Variants in WWC1 observed in about 807,000 individuals in gnomAD.
WWC1 encodes the protein WW and C2 domain containing 1.
A neutral mutation model predicts 138.4 loss-of-function variants in WWC1; 55 were observed. The observed-to-expected ratio is 0.40, with a 90% CI of 0.32 to 0.50. WWC1 has a LOEUF of 0.50. Ranked by LOEUF, WWC1 falls within the 20% of genes least tolerant of loss-of-function variation. WWC1 has a pLI of 0.72. For missense variants in WWC1, 1,226 were observed against 1,420.4 expected (o/e 0.86, Z 2.20); for synonymous variants, 524 against 564.9 (o/e 0.93, Z 1.03).
intron 8 of WWC1, chr5:168,411,565 C>G (rs1390588494): frequency 2.6e-5 from 4 of 152,178 alleles, no homozygotes; most frequent in Admixed American, 6.5e-5. Context: ...TGATGTTACC[C>G]AGACTCAGTC....
chr5:168,292,699 G>C lies in WWC1; in HGVS notation c.119+428G>C, dbSNP rs1489014328. ...GGGGTGGGCGGATGGGGATGGGGAA[G>C]TGTCCGGTTAGAGGGGGTGGTCAAG... On this transcript the variant is annotated intron_variant, in intron 1 of 22. Transcript: ENST00000265293. The surrounding 1 kb of genome is among the most constrained non-coding windows in gnomAD (Gnocchi z 4.4). Among the ~76,000 whole-genome samples, 1 of 152,176 alleles carries C rather than the reference G, an allele frequency of 6.6e-6. No individual in the cohort carries two copies. The highest frequency in any genetic ancestry group is 2.4e-5 in the African/African-American group (1 of 41,436).
rs577671144 is a variant in WWC1, at chr5:168,401,090, C to T, written c.590+1523C>T. On this transcript the variant is annotated intron_variant, in intron 5 of 22. Transcript: ENST00000265293. ...TGGTTGACAAAGTGAGACCCTGTCT[C>T]GAAAAAAAGGAAAAAAAGAAAGAAA... Among the ~76,000 whole-genome samples, 571 of 144,720 alleles carry T rather than the reference C, an allele frequency of 3.9e-3. 2 individuals carry two copies. Among genetic ancestry groups the T allele is most frequent in the Middle Eastern group, 7.1e-3 (2 of 280 alleles). 94.9% of individuals were successfully genotyped at this position (144,720 alleles called of 152,430 possible). A position where few individuals can be genotyped will look rare whatever the true frequency, so the allele number is the denominator to read the frequency against.
rs375838421 is a variant in WWC1, at chr5:168,408,547, G to A, written c.761G>A (p.Gly254Glu). 1.7e-4 allele frequency: 274 copies of A among 1,614,004 alleles called. No homozygotes were observed. The highest frequency in any genetic ancestry group is 3.7e-4 in the Admixed American group (22 of 60,008). ...AAGGACGGCTTCCGCACTGACAGGG[G>A]GTCTCACTCAGACCTGTGGTCCAGC... The part of the protein sequence containing the change: ...MLKDGFRTDR[G>E]SHSDLWSSSS... Residue 254 changes from glycine to glutamate, a missense_variant, in exon 7 of 23, where the codon GGG becomes GAG. Gly to Glu is a moderately conservative substitution (Grantham distance 98). Coordinates refer to ENST00000265293, the MANE Select transcript of WWC1 (RefSeq NM_015238.3).
intron 3 of WWC1, among the ~76,000 whole-genome samples, chr5:168,392,716 A>G (rs1778595175): frequency 1.3e-5 from 2 of 152,196 alleles, no homozygotes; most frequent in African/African-American, 4.8e-5. Context: ...TTTTAAAGAT[A>G]GAAAACAAAT....
chr5:168,442,848 A>G lies in WWC1; in HGVS notation c.2433+1014A>G, dbSNP rs187967622. ...CAAGACTCCATCTCAGAAAAAAAAA[A>G]AAAAGAAAAGAAAAAAAAGCTTATA... On this transcript the variant is annotated intron_variant, in intron 16 of 22. Coordinates refer to ENST00000265293, the MANE Select transcript of WWC1 (RefSeq NM_015238.3). Among the ~76,000 whole-genome samples the G allele has an allele frequency of 4.7e-3, 717 of 152,072 alleles. 5 individuals are homozygous for G. The highest frequency in any genetic ancestry group is 7.5e-3 in the Admixed American group (114 of 15,270).
chr5:168,446,624 GA>G (rs1755295905), intron 17 of WWC1, among the ~76,000 whole-genome samples: 1 of 152,178 alleles, frequency 6.6e-6, no homozygotes, highest in African/African-American at 2.4e-5. Flanking sequence ...AGAATGTGAC[GA>G]GCACCACAGA....
chr5:168,454,653 G>A lies in WWC1; in HGVS notation c.2658+553G>A, dbSNP rs1204633407. Among the ~76,000 whole-genome samples, 7 of 152,314 alleles carry A rather than the reference G, an allele frequency of 4.6e-5. No homozygotes were observed. In the South Asian group the frequency reaches 1.0e-3, roughly 23 times the overall value. On this transcript the variant is annotated intron_variant, in intron 18 of 22. Coordinates refer to ENST00000265293, the MANE Select transcript of WWC1 (RefSeq NM_015238.3). ...GCTAGAGCACCTGCCGTGTTTGAGC[G>A]AGGCTGCAGCTGGAGTACCGCACAG... is the stretch of plus-strand genomic sequence containing the variant.
At chr5:168,330,860 A>G (rs1052754874) in intron 1 of WWC1, among the ~76,000 whole-genome samples, 1 of 152,120 alleles carries the variant, frequency 6.6e-6, no homozygotes. Context: ...TCTGACTATA[A>G]AAAGAGCTGG....
chr5:168,403,079 T>TCTC (rs1561712596), intron 5 of WWC1, among the ~76,000 whole-genome samples: 3 of 95,782 alleles, frequency 3.1e-5, no homozygotes, highest in Non-Finnish European at 4.3e-5. Flanking sequence ...TCTTTCTTTC[T>TCTC]TTTCTTTCTT....
At chr5:168,408,444 G>A (rs1256229320) in intron 6 of WWC1, 63 bp from the exon 7 acceptor site, 16 of 1,575,686 alleles carry the variant, frequency 1.0e-5, no homozygotes, top group South Asian at 4.6e-5. Context: ...CACAGGGAGC[G>A]TGGCAGACCC....
intron 1 of WWC1, among the ~76,000 whole-genome samples, chr5:168,355,867 GTGC>G (rs1048683338): frequency 2.0e-5 from 3 of 151,836 alleles, no homozygotes; most frequent in Non-Finnish European, 4.4e-5. Context: ...TGAGGAAAGG[GTGC>G]TGCAAAGTGG....
chr5:168,421,238 T>G (rs796642904), intron 9 of WWC1, among the ~76,000 whole-genome samples: 9 of 152,238 alleles, frequency 5.9e-5, no homozygotes, highest in African/African-American at 2.2e-4. Context: ...CTACTAGTGC[T>G]CACATCCCAT....
At chr5:168,332,637 A>C (rs967169262) in intron 1 of WWC1, among the ~76,000 whole-genome samples, 1 of 152,184 alleles carries the variant, frequency 6.6e-6, no homozygotes, top group Non-Finnish European at 1.5e-5. Context: ...TTTGCATAGT[A>C]GGTGAGGAGG....
At chr5:168,468,907 C>G in intron 22 of WWC1, 44 bp from the exon 23 acceptor site, 1 of 1,597,812 alleles carries the variant, frequency 6.3e-7, no homozygotes, top group Non-Finnish European at 8.6e-7. Flanking sequence ...CTCTGTAGAG[C>G]GAGGTTGAAA....
intron 3 of WWC1, among the ~76,000 whole-genome samples, chr5:168,387,318 A>G (rs1467179665): frequency 2.6e-5 from 4 of 152,178 alleles, no homozygotes; most frequent in Non-Finnish European, 5.9e-5. Context: ...TCTTTCTGCT[A>G]CCAAGACAGG....
intron 15 of WWC1, among the ~76,000 whole-genome samples, chr5:168,432,304 G>A (rs1016759522): frequency 2.6e-5 from 4 of 152,078 alleles, no homozygotes; most frequent in Admixed American, 6.6e-5. Context: ...CGTTTAGTGG[G>A]GCCATTGCCA....
chr5:168,397,975 G>A (rs1456808269), intron 4 of WWC1, among the ~76,000 whole-genome samples, 175 bp downstream of exon 4: 1 of 152,142 alleles, frequency 6.6e-6, no homozygotes, highest in Non-Finnish European at 1.5e-5. Context: ...AATGGTTGTA[G>A]CAGCTACCAT....
intron 1 of WWC1, among the ~76,000 whole-genome samples, chr5:168,335,050 A>AT: frequency 6.6e-6 from 1 of 152,214 alleles, no homozygotes; most frequent in East Asian, 1.9e-4. Flanking sequence ...CTAAAAAAAA[A>AT]ATAAGATAAA....
At chr5:168,353,877 C>G (rs1420936605) in intron 1 of WWC1, among the ~76,000 whole-genome samples, 1 of 152,174 alleles carries the variant, frequency 6.6e-6, no homozygotes, top group Non-Finnish European at 1.5e-5. Context: ...GTGAAAGTTT[C>G]ATTTGGAACG....
Sources: allele counts gnomAD v4.1 joint callset (sites outside exome capture counted in the v4.1 genomes callset), GRCh38; gene constraint gnomAD v4.1.1; non-coding constraint Gnocchi (gnomAD v3.1); transcripts MANE v1.5; gene names NCBI Gene and HGNC (gene_info 2026-07-23, HGNC 2026-07-21).